TPST1: variants seen among roughly 807,000 people sequenced by gnomAD.
TPST1 encodes the protein tyrosylprotein sulfotransferase 1, also known as protein-tyrosine sulfotransferase 1.
TPST1 carries 20 observed loss-of-function variants against 34.8 expected under a neutral mutation model. The observed-to-expected ratio is 0.57, with a 90% CI of 0.40 to 0.84. The LOEUF is 0.84. Ranked by LOEUF, TPST1 falls within the 40% of genes least tolerant of loss-of-function variation. The probability of loss-of-function intolerance (pLI) is 0.00; values close to 1 mark genes in which losing one functional copy is unlikely to be tolerated. For missense variants in TPST1, 353 were observed against 455.5 expected (o/e 0.78, Z 2.05); for synonymous variants, 152 against 159.4 (o/e 0.95, Z 0.35).
At chr7:66,256,269 A>T (rs62465556) in intron 2 of TPST1, among the ~76,000 whole-genome samples, 1,683 of 152,250 alleles carry the variant, frequency 0.011, 13 homozygotes, top group South Asian at 0.021. Flanking sequence ...TTCTATTTCT[A>T]GTTCACTAAG....
At chr7:66,347,202 G>A (rs1371196274) in intron 3 of TPST1, among the ~76,000 whole-genome samples, 4 of 150,984 alleles carry the variant, frequency 2.6e-5, no homozygotes, top group African/African-American at 7.3e-5. Flanking sequence ...TGAGTAGCTG[G>A]GATTTCAGGT....
chr7:66,246,167 C>A (rs187278047), intron 2 of TPST1, among the ~76,000 whole-genome samples: 8 of 143,028 alleles, frequency 5.6e-5, no homozygotes, highest in Non-Finnish European at 9.0e-5. Context: ...TGCATGCCAT[C>A]ATGCCTGGCT....
intron 2 of TPST1, among the ~76,000 whole-genome samples, chr7:66,261,642 T>TA (rs1436705083): frequency 4.6e-5 from 7 of 152,188 alleles, no homozygotes; most frequent in African/African-American, 1.7e-4. Context: ...TTCATATATT[T>TA]AAAAAAATAT....
At chr7:66,207,283 T>G (rs1003564962) in intron 1 of TPST1, among the ~76,000 whole-genome samples, 1 of 152,200 alleles carries the variant, frequency 6.6e-6, no homozygotes, top group Non-Finnish European at 1.5e-5. Context: ...TGTCCTACTC[T>G]TGCCTTCTCT....
intron 1 of TPST1, among the ~76,000 whole-genome samples, chr7:66,221,902 T>G (rs1257761351): frequency 1.3e-5 from 2 of 152,232 alleles, no homozygotes; most frequent in East Asian, 3.8e-4. Flanking sequence ...CAGAATATCT[T>G]TTTGAGGCAA....
chr7:66,313,418 AAAAAT>A (rs1311323350), intron 3 of TPST1, among the ~76,000 whole-genome samples: 1 of 152,190 alleles, frequency 6.6e-6, no homozygotes, highest in Non-Finnish European at 1.5e-5. Flanking sequence ...TGATCTCAAA[AAAAAT>A]AAAATAATAA....
chr7:66,345,064 T>G (rs1792316719), intron 3 of TPST1, among the ~76,000 whole-genome samples: 1 of 151,820 alleles, frequency 6.6e-6, no homozygotes. Context: ...TATGTAAAAT[T>G]GTGTACACAC....
intron 2 of TPST1, among the ~76,000 whole-genome samples, chr7:66,249,174 A>G (rs567874248): frequency 6.6e-6 from 1 of 152,300 alleles, no homozygotes; most frequent in Admixed American, 6.5e-5. Context: ...ATAATGAGGT[A>G]TAAAACTTAG....
chr7:66,324,577 C>T (rs1329009863), intron 3 of TPST1, among the ~76,000 whole-genome samples: 5 of 151,946 alleles, frequency 3.3e-5, no homozygotes, highest in Non-Finnish European at 5.9e-5. Context: ...GAGGCTGAGG[C>T]AGCTGGATCA....
chr7:66,207,358 A>C, intron 1 of TPST1, among the ~76,000 whole-genome samples: 1 of 152,210 alleles, frequency 6.6e-6, no homozygotes, highest in East Asian at 1.9e-4. Flanking sequence ...TGAACTCTTA[A>C]GGAGAGGTCA....
At chr7:66,282,812 A>G (rs1790958749) in intron 2 of TPST1, among the ~76,000 whole-genome samples, 1 of 152,062 alleles carries the variant, frequency 6.6e-6, no homozygotes, top group African/African-American at 2.4e-5. Flanking sequence ...TCTTGTTCTC[A>G]TTTTCTATTT....
intron 2 of TPST1, among the ~76,000 whole-genome samples, chr7:66,255,746 A>T (rs149654791): frequency 6.6e-6 from 1 of 152,340 alleles, no homozygotes; most frequent in African/African-American, 2.4e-5. Context: ...AGTGCAAAAG[A>T]GTTGAAAATT....
intron 2 of TPST1, among the ~76,000 whole-genome samples, chr7:66,243,242 CTG>C (rs1224956537): frequency 6.6e-6 from 1 of 151,948 alleles, no homozygotes; most frequent in Non-Finnish European, 1.5e-5. Flanking sequence ...TCATGTATGG[CTG>C]TACTGTAAAT....
At chr7:66,336,533 GA>G (rs1212078558) in intron 3 of TPST1, among the ~76,000 whole-genome samples, 5 of 152,106 alleles carry the variant, frequency 3.3e-5, no homozygotes, top group African/African-American at 1.2e-4. Context: ...TGAGCTTCAG[GA>G]CAGAACATAT....
chr7:66,357,654 G>A (rs1792607229), intron 5 of TPST1, among the ~76,000 whole-genome samples: 2 of 152,208 alleles, frequency 1.3e-5, no homozygotes, highest in Admixed American at 6.5e-5. Flanking sequence ...AGATCTCCAG[G>A]TGCAGCTGCT....
At chr7:66,220,574 T>C (rs916115344) in intron 1 of TPST1, among the ~76,000 whole-genome samples, 1 of 150,808 alleles carries the variant, frequency 6.6e-6, no homozygotes, top group African/African-American at 2.4e-5. Flanking sequence ...GTGAGAGTCA[T>C]CAGGCAGAGA....
At chr7:66,350,739 G>T (rs1792460099) in intron 3 of TPST1, among the ~76,000 whole-genome samples, 1 of 152,052 alleles carries the variant, frequency 6.6e-6, no homozygotes, top group Non-Finnish European at 1.5e-5. Context: ...ACTTTCCTTA[G>T]TTTCTTGTTA....
intron 2 of TPST1, among the ~76,000 whole-genome samples, chr7:66,244,552 T>G (rs1186406892): frequency 6.6e-6 from 1 of 152,210 alleles, no homozygotes; most frequent in Non-Finnish European, 1.5e-5. Flanking sequence ...CCTGCTCAAG[T>G]ATCTTGAAAA....
At chr7:66,247,695 C>A (rs1185403375) in intron 2 of TPST1, among the ~76,000 whole-genome samples, 1 of 152,228 alleles carries the variant, frequency 6.6e-6, no homozygotes, top group East Asian at 1.9e-4. Context: ...TGTAGTTCTT[C>A]CTTGACTGTC....
Sources: gnomAD v4.1 joint callset for allele counts (sites outside exome capture counted in the v4.1 genomes callset) on GRCh38, gnomAD v4.1.1 for gene constraint, MANE v1.5 for transcripts, NCBI Gene and HGNC (gene_info 2026-07-23, HGNC 2026-07-21) for gene names.